Variants in TPGS1 observed in about 807,000 individuals in gnomAD.
TPGS1 encodes the protein tubulin polyglutamylase complex subunit 1.
Under a neutral mutation model 11.9 loss-of-function variants are expected in TPGS1, and 18 were observed. That is an observed-to-expected ratio of 1.51 (90% CI 1.04 to 2.24). The LOEUF (loss-of-function observed/expected upper bound fraction) is 2.24. Among genes scored for constraint, TPGS1 ranks in the 30% most tolerant of loss-of-function variants. The pLI, the probability that TPGS1 is intolerant of heterozygous loss-of-function variation, is 0.00. For missense variants in TPGS1, 500 were observed against 443.0 expected (o/e 1.13, Z -1.16); for synonymous variants, 247 against 218.2 (o/e 1.13, Z -1.16).
At position 519,309 on chromosome 19, in the gene TPGS1, G is replaced by T. The variant is rs1452481963; in HGVS notation, c.759G>T (p.Ala253=). The change falls in exon 2 of 2, where the codon GCG becomes GCT. Residue 253 remains alanine (A), a synonymous_variant. Transcript: ENST00000359315. Reference sequence around the variant, plus strand: ...CGCGCTTGGGGCCCGACAGCCTGGCGCTGGCGCTGGACCGCGCCGTCGGGG... The same window carrying T: ...CGCGCTTGGGGCCCGACAGCCTGGCTCTGGCGCTGGACCGCGCCGTCGGGG... The part of the protein sequence containing the change: ...AGSRLGPDSL[A]LALDRAVGGR... 2 of 1,187,454 alleles carry T rather than the reference G, an allele frequency of 1.7e-6. No individual in the cohort carries two copies. The highest frequency in any genetic ancestry group is 3.2e-5 in the African/African-American group (2 of 62,172). The allele number at this position is 1,187,454 out of a possible 1,614,324, so 73.6% of individuals were successfully genotyped here.
At chr19:511,795 A>G (rs533221077) in intron 1 of TPGS1, among the ~76,000 whole-genome samples, 6 of 152,356 alleles carry the variant, frequency 3.9e-5, no homozygotes, top group African/African-American at 1.4e-4. Flanking sequence ...CACGACAGGA[A>G]CCAACAACCC....
intron 1 of TPGS1, chr19:510,161 C>G (rs1978742763): frequency 6.6e-6 from 1 of 152,172 alleles, no homozygotes; most frequent in South Asian, 2.1e-4. Flanking sequence ...ATCACAAGGT[C>G]AGGAGATCGA....
At chr19:513,966 C>T (rs1026591433) in intron 1 of TPGS1, among the ~76,000 whole-genome samples, 6 of 149,638 alleles carry the variant, frequency 4.0e-5, no homozygotes, top group East Asian at 4.0e-4. Flanking sequence ...CAACCTGCCC[C>T]GGCCCCACAT....
intron 1 of TPGS1, 151 bp downstream of exon 1, chr19:507,995 G>C (rs2145829764): frequency 1.8e-6 from 1 of 568,112 alleles, no homozygotes; most frequent in Non-Finnish European, 2.6e-6. Flanking sequence ...GGGATGGATC[G>C]GACAAGGTGG....
At position 507,797 on chromosome 19, in the gene TPGS1, C is replaced by T. The variant is rs759495730; in HGVS notation, c.291C>T (p.Arg97=). Reference sequence around the variant, plus strand: ...GCCAGCTCCTGCTGCAGCAGCAGCGCCTGGGCCGCGCGCTATGGCACCTTC... The same window carrying T: ...GCCAGCTCCTGCTGCAGCAGCAGCGTCTGGGCCGCGCGCTATGGCACCTTC... The part of the protein sequence containing the change: ...PPGQLLLQQQ[R]LGRALWHLRL... Residue 97 remains arginine, a synonymous_variant, in exon 1 of 2, where the codon CGC becomes CGT. Transcript: ENST00000359315. The T allele has an allele frequency of 3.6e-6, 5 of 1,381,832 alleles. No homozygotes were observed. The East Asian group carries it at 1.5e-4, about 42-fold the overall frequency. 85.6% of individuals were successfully genotyped at this position (1,381,832 alleles called of 1,614,324 possible). A position where few individuals can be genotyped will look rare whatever the true frequency, so the allele number is the denominator to read the frequency against.
At chr19:515,783 A>T (rs1978933080) in intron 1 of TPGS1, among the ~76,000 whole-genome samples, 1 of 152,130 alleles carries the variant, frequency 6.6e-6, no homozygotes, top group South Asian at 2.1e-4. Context: ...CTGTAATCCC[A>T]GCACTTTGGG....
chr19:508,711 C>G (rs549243465), intron 1 of TPGS1: 2 of 152,620 alleles, frequency 1.3e-5, no homozygotes, highest in East Asian at 3.9e-4. Flanking sequence ...CTTTCAGCCT[C>G]ATAACCAGGG....
intron 1 of TPGS1, among the ~76,000 whole-genome samples, chr19:517,697 A>G (rs1053492103): frequency 1.4e-3 from 7 of 4,866 alleles, no homozygotes; most frequent in East Asian, 0.014. Flanking sequence ...GGGAGGGGGG[A>G]GGCCAGGCTG....
Position 519,262 on chromosome 19 carries a change from G to T in TPGS1, c.712G>T (p.Ala238Ser). Residue 238 changes from alanine (A) to serine (S), a missense_variant, in exon 2 of 2, where the codon GCG becomes TCG. Physicochemically the swap from Ala to Ser is moderately conservative, Grantham distance 99 (BLOSUM62 1). Transcript: ENST00000359315. The stretch of plus-strand genomic sequence containing the variant: ...GCAGGCCAGCGACGCCGCCGCGCCC[G>T]CGCGCTTCCTGGAGGCCGGCTCGCG... ...ALQASDAAAPARFLEAGSRLG... is the reference protein window; with the variant it reads ...ALQASDAAAPSRFLEAGSRLG... The T allele has an allele frequency of 8.3e-7, 1 of 1,202,710 alleles. No homozygotes were observed. The highest frequency in any genetic ancestry group is 1.0e-6 in the Non-Finnish European group (1 of 970,818). 74.5% of individuals were successfully genotyped at this position (1,202,710 alleles called of 1,614,324 possible).
rs1199623881 is a variant in TPGS1 at position 519,479 on chromosome 19, C to A, written c.*56C>A. The A allele has an allele frequency of 8.5e-7, 1 of 1,171,110 alleles. No homozygotes were observed. Among genetic ancestry groups the A allele is most frequent in the African/African-American group, 1.6e-5 (1 of 61,918 alleles). The allele number at this position is 1,171,110 out of a possible 1,614,324, so 72.5% of individuals were successfully genotyped here. A position where few individuals can be genotyped will look rare whatever the true frequency, so the allele number is the denominator to read the frequency against. On this transcript the variant is annotated 3_prime_UTR_variant, in exon 2 of 2. Transcript: ENST00000359315. ...CGCTGGGGGGTCCCCGCGTGCGGGG[C>A]GCGCGGAGCCTTCCCTTCGCCCTGG...
At position 517,357 on chromosome 19, in the gene TPGS1, G is replaced by A. The variant is rs75465361; in HGVS notation, c.339-1532G>A. On this transcript the variant is annotated intron_variant, in intron 1 of 1. Coordinates refer to ENST00000359315, the MANE Select transcript of TPGS1 (RefSeq NM_033513.3). ...GAAGCCAGGGCTGGATGGGAGCTGC[G>A]GGGAGGAGAGGCCTGAGCTGGGTGG... Among the ~76,000 whole-genome samples the A allele has an allele frequency of 1.6e-3, 139 of 87,936 alleles. 1 individual carries two copies. Among genetic ancestry groups the A allele is most frequent in the African/African-American group, 6.6e-3 (131 of 19,876 alleles). The allele number at this position is 87,936 out of a possible 152,430, so 57.7% of individuals were successfully genotyped here. A position where few individuals can be genotyped will look rare whatever the true frequency, so the allele number is the denominator to read the frequency against.
intron 1 of TPGS1, chr19:508,067 C>A (rs117198354): frequency 0.014 from 5,629 of 399,352 alleles, 163 homozygotes; most frequent in South Asian, 0.12. Flanking sequence ...GCGAGTCCTT[C>A]TGGCCGGCTT....
At chr19:515,246 C>G (rs901395908) in intron 1 of TPGS1, among the ~76,000 whole-genome samples, 1 of 152,048 alleles carries the variant, frequency 6.6e-6, no homozygotes, top group African/African-American at 2.4e-5. Context: ...GAGAGAAATA[C>G]CACCACTGGC....
intron 1 of TPGS1, among the ~76,000 whole-genome samples, chr19:512,774 G>A (rs1041834920): frequency 6.6e-6 from 1 of 152,242 alleles, no homozygotes; most frequent in African/African-American, 2.4e-5. Context: ...CAGCCGGAAC[G>A]GGACTGCAGA....
At position 507,856 on chromosome 19, in the gene TPGS1, G is replaced by T; in HGVS notation, c.338+12G>T. ...CACCACTCCCAGAGGTGCGCAGTGG[G>T]CCGGCTTGGGCGGGTGGGGCAGCGA... is the stretch of plus-strand genomic sequence containing the variant. On this transcript the variant is annotated intron_variant, in intron 1 of 1. Coordinates refer to ENST00000359315, the MANE Select transcript of TPGS1 (RefSeq NM_033513.3). 1 of 1,315,622 alleles carries T rather than the reference G, an allele frequency of 7.6e-7. No homozygotes were observed. Among genetic ancestry groups the T allele is most frequent in the Non-Finnish European group, 9.7e-7 (1 of 1,032,202 alleles). 81.5% of individuals were successfully genotyped at this position (1,315,622 alleles called of 1,614,324 possible).
At chr19:511,167 C>T (rs1978783370) in intron 1 of TPGS1, among the ~76,000 whole-genome samples, 1 of 152,244 alleles carries the variant, frequency 6.6e-6, no homozygotes, top group Admixed American at 6.5e-5. Context: ...AACCAAGGCC[C>T]AGAGGCCACC....
intron 1 of TPGS1, among the ~76,000 whole-genome samples, chr19:510,807 G>A (rs1010092531): frequency 3.3e-5 from 5 of 150,648 alleles, no homozygotes; most frequent in Admixed American, 6.6e-5. Flanking sequence ...GCACGAAAAC[G>A]AAGCCCCAGC....
intron 1 of TPGS1, among the ~76,000 whole-genome samples, chr19:516,000 C>G (rs1384248273): frequency 1.3e-5 from 2 of 150,600 alleles, no homozygotes; most frequent in Non-Finnish European, 3.0e-5. Context: ...CCACTGCACT[C>G]CAGCCCGGGC....
At chr19:515,265 G>A (rs547629159) in intron 1 of TPGS1, among the ~76,000 whole-genome samples, 20 of 152,270 alleles carry the variant, frequency 1.3e-4, no homozygotes, top group African/African-American at 4.8e-4. Context: ...GCCCCGAGCA[G>A]CAACTGTCAC....
Sources: allele counts gnomAD v4.1 joint callset (sites outside exome capture counted in the v4.1 genomes callset), GRCh38; gene constraint gnomAD v4.1.1; transcripts MANE v1.5; gene names NCBI Gene and HGNC (gene_info 2026-07-23, HGNC 2026-07-21).